MTUS2: variants seen among roughly 807,000 people sequenced by gnomAD.
MTUS2 encodes microtubule-associated tumor suppressor candidate 2.
MTUS2 carries 40 observed loss-of-function variants against 114.1 expected under a neutral mutation model. The ratio of observed to expected loss-of-function variants is 0.35; its 90% confidence interval spans 0.27 to 0.46. The LOEUF (loss-of-function observed/expected upper bound fraction) is 0.46. Ranked by LOEUF, MTUS2 falls within the 20% of genes least tolerant of loss-of-function variation. MTUS2 has a pLI of 1.00. For synonymous variants in MTUS2, 688 were observed against 672.0 expected (o/e 1.02, Z -0.37); for missense variants, 1,679 against 1,705.4 (o/e 0.98, Z 0.27).
chr13:28,833,140 T>G (rs1413445716), intron 1 of MTUS2, among the ~76,000 whole-genome samples: 3 of 152,128 alleles, frequency 2.0e-5, no homozygotes, highest in African/African-American at 7.2e-5. Flanking sequence ...TACCAAATGT[T>G]TATTTAAAGA....
chr13:29,013,559 G>A (rs562551788), intron 2 of MTUS2, among the ~76,000 whole-genome samples: 1 of 152,296 alleles, frequency 6.6e-6, no homozygotes, highest in African/African-American at 2.4e-5. Context: ...AGCAAACAGT[G>A]TTTGACAGAT....
chr13:29,077,734 C>A (rs545470120), intron 4 of MTUS2, among the ~76,000 whole-genome samples: 2 of 152,104 alleles, frequency 1.3e-5, no homozygotes, highest in Admixed American at 1.3e-4. Flanking sequence ...TCTGTGAATG[C>A]GTATTGAATT....
intron 2 of MTUS2, among the ~76,000 whole-genome samples, 177 bp from the exon 3 acceptor site, chr13:29,024,280 A>T (rs937170643): frequency 2.0e-5 from 3 of 152,144 alleles, no homozygotes; most frequent in African/African-American, 7.2e-5. Context: ...AAACATTTTG[A>T]TGTTTAATTT....
At chr13:28,946,272 CGTGTGTGTGTGTGTGTGT>C (rs58873985) in intron 2 of MTUS2, among the ~76,000 whole-genome samples, 2 of 149,134 alleles carry the variant, frequency 1.3e-5, no homozygotes, top group Admixed American at 6.6e-5. Flanking sequence ...TTTCTGTCTG[CGTGTGTGTGTGTGTGTGT>C]GTGTGTGTGT....
chr13:28,878,708 C>T lies in MTUS2; in HGVS notation c.-243+38858C>T, dbSNP rs983087899. 3.9e-5 allele frequency among the ~76,000 whole-genome samples: 6 copies of T among 152,184 alleles called. No homozygotes were observed. The East Asian group carries it at 5.8e-4, about 15-fold the overall frequency. On this transcript the variant is annotated intron_variant, in intron 2 of 15. Coordinates refer to ENST00000612955, the MANE Select transcript of MTUS2 (RefSeq NM_001033602.4). Reference sequence around the variant, plus strand: ...AGTATTCTATGGTGTATATGTACCACGTTTTCTTTATCCAGTCTATCATTG... The same window carrying T: ...AGTATTCTATGGTGTATATGTACCATGTTTTCTTTATCCAGTCTATCATTG...
At chr13:29,060,340 T>C (rs1013498027) in intron 4 of MTUS2, among the ~76,000 whole-genome samples, 1 of 151,946 alleles carries the variant, frequency 6.6e-6, no homozygotes, top group African/African-American at 2.4e-5. Flanking sequence ...TTCCCAGTTT[T>C]CTCCAGTTCC....
intron 14 of MTUS2, among the ~76,000 whole-genome samples, chr13:29,500,604 TCCA>T: frequency 6.6e-6 from 1 of 152,224 alleles, no homozygotes; most frequent in South Asian, 2.1e-4. Flanking sequence ...ATTTCCTCCC[TCCA>T]TTGATTCAGA....
intron 5 of MTUS2, among the ~76,000 whole-genome samples, chr13:29,195,714 T>C (rs910722494): frequency 2.0e-5 from 3 of 151,970 alleles, no homozygotes; most frequent in Non-Finnish European, 4.4e-5. Flanking sequence ...GTCATAGTGG[T>C]GAAGCTGAGG....
At chr13:29,204,654 C>T (rs1037184219) in intron 5 of MTUS2, among the ~76,000 whole-genome samples, 20 of 152,228 alleles carry the variant, frequency 1.3e-4, no homozygotes, top group African/African-American at 4.3e-4. Context: ...GGGCTCAGGG[C>T]AGCACCCTGG....
chr13:29,194,059 G>C (rs2139205722), intron 5 of MTUS2, among the ~76,000 whole-genome samples: 1 of 150,890 alleles, frequency 6.6e-6, no homozygotes, highest in African/African-American at 2.4e-5. Context: ...AGCTGAAACT[G>C]GATCCCTTCC....
At chr13:28,864,298 T>C (rs1172480110) in intron 2 of MTUS2, among the ~76,000 whole-genome samples, 1 of 152,154 alleles carries the variant, frequency 6.6e-6, no homozygotes, top group Non-Finnish European at 1.5e-5. Flanking sequence ...GTTATAAGGG[T>C]CCATGAAAAA....
rs1234114454 is a variant in MTUS2, at chr13:29,505,322, G to A, written c.*2116G>A. The A allele has an allele frequency of 8.6e-6, 2 of 231,802 alleles. No individual in the cohort carries two copies. Among genetic ancestry groups the A allele is most frequent in the Non-Finnish European group, 1.7e-5 (2 of 116,900 alleles). 14.4% of individuals were successfully genotyped at this position (231,802 alleles called of 1,614,324 possible). A position where few individuals can be genotyped will look rare whatever the true frequency, so the allele number is the denominator to read the frequency against. Reference sequence around the variant, plus strand: ...GCTAGAACGTGGTACAGTGTATTAGGCTGCTGTGGTCAGAGTTGTAGCATC... The same window carrying A: ...GCTAGAACGTGGTACAGTGTATTAGACTGCTGTGGTCAGAGTTGTAGCATC... On this transcript the variant is annotated 3_prime_UTR_variant, in exon 16 of 16. Coordinates refer to ENST00000612955, the MANE Select transcript of MTUS2 (RefSeq NM_001033602.4).
chr13:29,229,073 C>A (rs1008012825), intron 5 of MTUS2, among the ~76,000 whole-genome samples: 4 of 152,150 alleles, frequency 2.6e-5, no homozygotes, highest in African/African-American at 7.2e-5. Context: ...GGGGCTTCTT[C>A]ACTGAGGCAG....
At chr13:29,190,461 T>C (rs1894401333) in intron 5 of MTUS2, among the ~76,000 whole-genome samples, 1 of 152,198 alleles carries the variant, frequency 6.6e-6, no homozygotes, top group African/African-American at 2.4e-5. Context: ...CTGGAACTGG[T>C]AGCCCACATG....
intron 2 of MTUS2, among the ~76,000 whole-genome samples, chr13:29,021,181 C>A (rs567130939): frequency 4.6e-5 from 7 of 152,300 alleles, no homozygotes; most frequent in African/African-American, 1.4e-4. Flanking sequence ...CCAGGAGGAT[C>A]TCTTGAGCCC....
intron 2 of MTUS2, among the ~76,000 whole-genome samples, chr13:28,994,741 T>C (rs1425584507): frequency 1.3e-5 from 2 of 152,182 alleles, no homozygotes; most frequent in African/African-American, 4.8e-5. Context: ...CACTTTTTGA[T>C]GGGGTTGTTT....
intron 2 of MTUS2, among the ~76,000 whole-genome samples, chr13:28,894,456 A>G (rs773295844): frequency 9.2e-5 from 14 of 151,974 alleles, no homozygotes; most frequent in Non-Finnish European, 2.1e-4. Flanking sequence ...CCTCACCACA[A>G]ACAAAATCTA....
intron 5 of MTUS2, among the ~76,000 whole-genome samples, chr13:29,114,014 C>G (rs1215517388): frequency 5.3e-5 from 8 of 152,148 alleles, no homozygotes; most frequent in Non-Finnish European, 1.5e-5. Flanking sequence ...CCCCCTGTCT[C>G]TCTTATGCTC....
intron 2 of MTUS2, among the ~76,000 whole-genome samples, chr13:29,015,904 C>T (rs148530570): frequency 4.6e-5 from 7 of 151,838 alleles, no homozygotes; most frequent in African/African-American, 1.2e-4. Flanking sequence ...AATGAAGATT[C>T]GTTCTTCTTC....
Sources: gnomAD v4.1 joint callset for allele counts (sites outside exome capture counted in the v4.1 genomes callset) on GRCh38, gnomAD v4.1.1 for gene constraint, MANE v1.5 for transcripts, NCBI Gene and HGNC (gene_info 2026-07-23, HGNC 2026-07-21) for gene names.